The following LINGO2 variants were observed in gnomAD, a reference collection of about 807,000 sequenced individuals.
The protein encoded by LINGO2 is leucine-rich repeat and immunoglobulin-like domain-containing nogo receptor-interacting protein 2.
A neutral mutation model predicts 30.6 loss-of-function variants in LINGO2; 14 were observed. The observed-to-expected ratio is 0.46, with a 90% CI of 0.30 to 0.72. LINGO2 has a LOEUF of 0.72. Among genes scored for constraint, LINGO2 ranks in the 30% least tolerant of loss-of-function variants. The pLI is 0.07. For synonymous variants in LINGO2, 317 were observed against 288.5 expected, an observed-to-expected ratio of 1.10 and a Z score of -1.00; for missense variants, 729 against 751.7, an observed-to-expected ratio of 0.97 and a Z score of 0.35.
At chr9:28,540,121 A>T (rs1219838183) in intron 1 of LINGO2, among the ~76,000 whole-genome samples, 3 of 152,172 alleles carry the variant, frequency 2.0e-5, no homozygotes, top group Non-Finnish European at 4.4e-5. Flanking sequence ...ATAAGACTGG[A>T]AACACAGGAC....
At chr9:28,768,066 T>C in the LINGO2 span, among the ~76,000 whole-genome samples, 3 of 152,330 alleles carry the variant, frequency 2.0e-5, no homozygotes, top group South Asian at 6.2e-4. Context: ...TACCATATTA[T>C]TTTAGTTTGC....
the LINGO2 span, among the ~76,000 whole-genome samples, chr9:28,990,659 C>T: frequency 6.6e-6 from 1 of 152,156 alleles, no homozygotes; most frequent in Non-Finnish European, 1.5e-5. Context: ...TGAGACAAAA[C>T]TTCCAGAGGA....
intron 4 of LINGO2, among the ~76,000 whole-genome samples, chr9:28,029,496 TGA>T (rs1196325779): frequency 6.6e-6 from 1 of 152,158 alleles, no homozygotes; most frequent in Non-Finnish European, 1.5e-5. Flanking sequence ...ACTTTGATAT[TGA>T]GAGGCAGGTG....
chr9:29,122,803 C>T, the LINGO2 span, among the ~76,000 whole-genome samples: 1 of 152,032 alleles, frequency 6.6e-6, no homozygotes, highest in South Asian at 2.1e-4. Context: ...AGCTCACGTT[C>T]AACACAGTAC....
Position 28,307,226 on chromosome 9 carries a change from C to T in LINGO2, c.-245-11860G>A, listed in dbSNP as rs1279903884. Among the ~76,000 whole-genome samples, 5 of 152,254 alleles carry T rather than the reference C, an allele frequency of 3.3e-5. No individual in the cohort carries two copies. In the East Asian group the frequency reaches 9.7e-4, roughly 29 times the overall value. On this transcript the variant is annotated intron_variant, in intron 3 of 5. Coordinates refer to ENST00000379992, the Ensembl canonical transcript of LINGO2. The stretch of plus-strand genomic sequence containing the variant: ...TCCAGCAACACATCAAAAAGCTTAT[C>T]CACCATGGTCAAGTGGGCTTCATCC...
chr9:28,831,584 G>C, the LINGO2 span, among the ~76,000 whole-genome samples: 1 of 151,994 alleles, frequency 6.6e-6, no homozygotes, highest in African/African-American at 2.4e-5. Flanking sequence ...AGAAGGAAGT[G>C]ATAAATGTGG....
rs1828726519 is a variant in LINGO2 at position 28,664,766 on chromosome 9, C to T, written c.-365+5434G>A. Among the ~76,000 whole-genome samples, 5 of 151,692 alleles carry T rather than the reference C, an allele frequency of 3.3e-5. No individual in the cohort carries two copies. The South Asian group carries it at 1.0e-3, about 32-fold the overall frequency. On this transcript the variant is annotated intron_variant, in intron 1 of 5. Coordinates refer to ENST00000379992, the Ensembl canonical transcript of LINGO2. Reference sequence around the variant, plus strand: ...ATTATACAGATATTCCAGATATTGACCTTGTTATAATTCAGGTCCCAGCTT... The same window carrying T: ...ATTATACAGATATTCCAGATATTGATCTTGTTATAATTCAGGTCCCAGCTT...
intron 1 of LINGO2, among the ~76,000 whole-genome samples, chr9:28,539,260 A>C (rs946282135): frequency 1.3e-5 from 2 of 152,104 alleles, no homozygotes; most frequent in Non-Finnish European, 2.9e-5. Flanking sequence ...AAGTTACAGA[A>C]TGGTAGATAT....
intron 1 of LINGO2, among the ~76,000 whole-genome samples, chr9:28,480,753 A>G (rs758690659): frequency 1.3e-5 from 2 of 151,992 alleles, no homozygotes; most frequent in African/African-American, 2.4e-5. Flanking sequence ...ACTTTATTTT[A>G]CTTTCAATTT....
chr9:29,200,498 ATTGT>A, the LINGO2 span, among the ~76,000 whole-genome samples: 1 of 152,094 alleles, frequency 6.6e-6, no homozygotes, highest in African/African-American at 2.4e-5. Context: ...TGAGTAAAAT[ATTGT>A]TTGTTTTATG....
rs147366110 is a variant in LINGO2 at position 28,064,522 on chromosome 9, G to A, written c.-86-52117C>T. Among the ~76,000 whole-genome samples, 260 of 152,196 alleles carry A rather than the reference G, an allele frequency of 1.7e-3. 1 individual carries two copies. The highest frequency in any genetic ancestry group is 6.2e-3 in the African/African-American group (257 of 41,542). On this transcript the variant is annotated intron_variant, in intron 4 of 5. Transcript: ENST00000379992. The stretch of plus-strand genomic sequence containing the variant: ...GAGAATCCCGACTGTTGATAGCAAC[G>A]GGACTTTCTCCAGTAAGTTTGATGA...
the LINGO2 span, among the ~76,000 whole-genome samples, chr9:29,113,236 G>GC: frequency 6.6e-6 from 1 of 152,088 alleles, no homozygotes; most frequent in African/African-American, 2.4e-5. Flanking sequence ...TAAGACACCA[G>GC]TTTGAAAAAA....
intron 4 of LINGO2, among the ~76,000 whole-genome samples, chr9:28,273,264 C>T (rs1305244418): frequency 1.3e-5 from 2 of 152,186 alleles, no homozygotes; most frequent in Non-Finnish European, 2.9e-5. Flanking sequence ...AATGCAGCCT[C>T]AATAAATAAA....
the LINGO2 span, among the ~76,000 whole-genome samples, chr9:29,082,947 G>A: frequency 6.6e-6 from 1 of 152,118 alleles, no homozygotes; most frequent in Non-Finnish European, 1.5e-5. Flanking sequence ...GTGCTGGAGA[G>A]GATGTGGAGA....
intron 1 of LINGO2, among the ~76,000 whole-genome samples, chr9:28,667,686 G>A (rs907651909): frequency 1.3e-5 from 2 of 152,190 alleles, no homozygotes; most frequent in African/African-American, 4.8e-5. Flanking sequence ...GGAGGTTGCA[G>A]TGAGCCGAGA....
intron 1 of LINGO2, among the ~76,000 whole-genome samples, chr9:28,550,791 A>G (rs1257472600): frequency 6.6e-6 from 1 of 151,948 alleles, no homozygotes; most frequent in Admixed American, 6.6e-5. Flanking sequence ...ATATAAAATA[A>G]TGTTTATAAA....
chr9:28,770,209 A>C, the LINGO2 span, among the ~76,000 whole-genome samples: 1 of 152,194 alleles, frequency 6.6e-6, no homozygotes, highest in Non-Finnish European at 1.5e-5. Context: ...GTCCCTTTAG[A>C]TCTTCTTACT....
At chr9:28,950,042 C>T in the LINGO2 span, among the ~76,000 whole-genome samples, 5 of 151,922 alleles carry the variant, frequency 3.3e-5, no homozygotes, top group South Asian at 4.1e-4. Context: ...AAAGTTTATC[C>T]ACCACAAACA....
At chr9:28,348,148 A>C (rs1042713699) in intron 3 of LINGO2, among the ~76,000 whole-genome samples, 3 of 152,188 alleles carry the variant, frequency 2.0e-5, no homozygotes, top group African/African-American at 4.8e-5. Flanking sequence ...GGAGGAGCCA[A>C]GATGGCCGAA....
Sources: allele counts gnomAD v4.1 joint callset (sites outside exome capture counted in the v4.1 genomes callset), GRCh38; gene constraint gnomAD v4.1.1; transcripts MANE v1.5; gene names NCBI Gene and HGNC (gene_info 2026-07-23, HGNC 2026-07-21).